Variants in ESYT2 observed in about 807,000 individuals in gnomAD.
ESYT2 encodes extended synaptotagmin-2.
Under a neutral mutation model 107.2 loss-of-function variants are expected in ESYT2, and 54 were observed. That is an observed-to-expected ratio of 0.50 (90% CI 0.40 to 0.63). ESYT2 has a LOEUF of 0.63. Ranked by LOEUF, ESYT2 falls within the 30% of genes least tolerant of loss-of-function variation. ESYT2 has a pLI of 0.00. For missense variants in ESYT2, 1,020 were observed against 1,094.5 expected, an observed-to-expected ratio of 0.93 and a Z score of 0.96; for synonymous variants, 491 against 434.1, an observed-to-expected ratio of 1.13 and a Z score of -1.63.
In ESYT2 at chr7:158,774,251, G is replaced by A. The variant is rs78657770; in HGVS notation, c.748-855C>T. 4.8e-3 allele frequency among the ~76,000 whole-genome samples: 725 copies of A among 152,252 alleles called. 46 individuals are homozygous for A. In the East Asian group the frequency reaches 0.12, roughly 25 times the overall value. The stretch of plus-strand genomic sequence containing the variant: ...TTTGGTTGCAAGCAAATATAAAGTG[G>A]AAGAGTCAAGATTCTTATAGATAGA... On this transcript the variant is annotated intron_variant, in intron 6 of 22. Transcript: ENST00000275418.
intron 9 of ESYT2, among the ~76,000 whole-genome samples, chr7:158,764,182 T>C (rs1838072271): frequency 6.6e-6 from 1 of 152,218 alleles, no homozygotes; most frequent in Non-Finnish European, 1.5e-5. Flanking sequence ...TTGTACAGCA[T>C]TGTTTGTAAT....
chr7:158,758,131 G>A (rs578238231), intron 13 of ESYT2, among the ~76,000 whole-genome samples: 1 of 152,150 alleles, frequency 6.6e-6, no homozygotes, highest in East Asian at 1.9e-4. Flanking sequence ...GTTAAAATCG[G>A]TCAAGAAAGC....
At position 158,786,425 on chromosome 7, in the gene ESYT2, A is replaced by G. The variant is rs185851773; in HGVS notation, c.747+1579T>C. Among the ~76,000 whole-genome samples the G allele has an allele frequency of 4.6e-3, 695 of 151,900 alleles. 3 individuals carry two copies. Among genetic ancestry groups the G allele is most frequent in the Middle Eastern group, 0.014 (4 of 294 alleles). On this transcript the variant is annotated intron_variant, in intron 6 of 22. Coordinates refer to ENST00000275418, the MANE Select transcript of ESYT2 (RefSeq NM_001367773.1). The stretch of plus-strand genomic sequence containing the variant: ...GAGGACTTTTAATGACTGGTATGGG[A>G]AAAAAAACACATTAATTTTAAATCT...
intron 1 of ESYT2, among the ~76,000 whole-genome samples, chr7:158,803,056 T>G (rs1004851106): frequency 2.0e-5 from 3 of 152,262 alleles, no homozygotes; most frequent in African/African-American, 7.2e-5. Flanking sequence ...TTCCCTCTCT[T>G]AGACCACAAC....
intron 1 of ESYT2, among the ~76,000 whole-genome samples, chr7:158,826,788 T>G (rs1284121729): frequency 2.2e-5 from 3 of 136,032 alleles, no homozygotes; most frequent in Non-Finnish European, 3.1e-5. Flanking sequence ...GCCACTGCAC[T>G]TCAGCCTGGC....
intron 6 of ESYT2, among the ~76,000 whole-genome samples, chr7:158,781,707 G>A (rs1402708389): frequency 6.6e-6 from 1 of 151,736 alleles, no homozygotes; most frequent in African/African-American, 2.4e-5. Flanking sequence ...AGAGGTGGGA[G>A]TGTAAGAACG....
intron 7 of ESYT2, among the ~76,000 whole-genome samples, chr7:158,770,518 TA>T (rs202204404): frequency 0.01 from 1,556 of 150,846 alleles, 21 homozygotes; most frequent in African/African-American, 0.036. Flanking sequence ...TATATATATA[TA>T]TATTTTTTTT....
intron 13 of ESYT2, among the ~76,000 whole-genome samples, chr7:158,758,407 T>C (rs1837840710): frequency 6.6e-6 from 1 of 152,180 alleles, no homozygotes; most frequent in South Asian, 2.1e-4. Flanking sequence ...AAGGCAAGAC[T>C]ACAGGGGATC....
chr7:158,761,376 G>A, intron 11 of ESYT2, 120 bp downstream of exon 11: 2 of 785,644 alleles, frequency 2.5e-6, no homozygotes, highest in Non-Finnish European at 4.3e-6. Context: ...TGTTGTTCAT[G>A]CCATACTAAT....
chr7:158,807,384 T>A (rs1166566548), intron 1 of ESYT2, among the ~76,000 whole-genome samples: 1 of 152,164 alleles, frequency 6.6e-6, no homozygotes, highest in Non-Finnish European at 1.5e-5. Flanking sequence ...AGTTTATGTA[T>A]CTCCTAGGAG....
chr7:158,775,082 A>C (rs1838506760), intron 6 of ESYT2, among the ~76,000 whole-genome samples: 1 of 152,244 alleles, frequency 6.6e-6, no homozygotes, highest in Non-Finnish European at 1.5e-5. Context: ...AGTAAAGGGA[A>C]TATTGCAACA....
intron 17 of ESYT2, among the ~76,000 whole-genome samples, chr7:158,742,664 C>A (rs946565042): frequency 6.6e-6 from 1 of 152,236 alleles, no homozygotes. Context: ...AGCACATGAG[C>A]TGGTCCCTGG....
At chr7:158,736,242 C>T (rs1420454388) in intron 20 of ESYT2, among the ~76,000 whole-genome samples, 1 of 152,176 alleles carries the variant, frequency 6.6e-6, no homozygotes, top group Non-Finnish European at 1.5e-5. Flanking sequence ...GGCTGATGCA[C>T]GCCTGCCAGT....
At chr7:158,779,587 A>G (rs1230588962) in intron 6 of ESYT2, among the ~76,000 whole-genome samples, 1 of 152,190 alleles carries the variant, frequency 6.6e-6, no homozygotes, top group Non-Finnish European at 1.5e-5. Flanking sequence ...TAAGCCAAGG[A>G]CAGAATGAAA....
At chr7:158,801,715 TAGA>T (rs1563029584) in intron 1 of ESYT2, among the ~76,000 whole-genome samples, 1 of 152,234 alleles carries the variant, frequency 6.6e-6, no homozygotes, top group Non-Finnish European at 1.5e-5. Flanking sequence ...CTGTATGAAC[TAGA>T]AATAATCATT....
chr7:158,734,158 G>C lies in ESYT2; in HGVS notation c.*49C>G. The C allele has an allele frequency of 1.2e-6, 2 of 1,605,400 alleles. No homozygotes were observed. Among genetic ancestry groups the C allele is most frequent in the African/African-American group, 2.7e-5 (2 of 74,750 alleles). On this transcript the variant is annotated 3_prime_UTR_variant, in exon 23 of 23. Transcript: ENST00000275418. ...TACGTCTGTGAGAGGGTGTGTTCCG[G>C]GTAGAGGTGGAGAGCTACGCTGAAG...
chr7:158,800,733 TC>T (rs200771962), intron 1 of ESYT2, among the ~76,000 whole-genome samples: 1,608 of 121,760 alleles, frequency 0.013, 45 homozygotes, highest in African/African-American at 0.046. Context: ...TCTTTTCTTT[TC>T]TTTTTTTTTT....
intron 7 of ESYT2, among the ~76,000 whole-genome samples, chr7:158,770,399 A>C (rs1255472543): frequency 6.6e-6 from 1 of 151,480 alleles, no homozygotes; most frequent in Admixed American, 6.6e-5. Context: ...CTTAGAAAAG[A>C]TATTTTTACA....
intron 11 of ESYT2, among the ~76,000 whole-genome samples, chr7:158,760,742 A>C (rs1837934243): frequency 6.6e-6 from 1 of 152,228 alleles, no homozygotes; most frequent in Non-Finnish European, 1.5e-5. Flanking sequence ...CTAATAAAAT[A>C]GTATACAGTT....
Sources: gnomAD v4.1 joint callset for allele counts (sites outside exome capture counted in the v4.1 genomes callset) on GRCh38, gnomAD v4.1.1 for gene constraint, MANE v1.5 for transcripts, NCBI Gene and HGNC (gene_info 2026-07-23, HGNC 2026-07-21) for gene names.